CNTRL: variants seen among roughly 807,000 people sequenced by gnomAD.
CNTRL encodes centriolin.
In CNTRL, 233 loss-of-function variants were observed where a neutral mutation model predicts 303.7. That is an observed-to-expected ratio of 0.77 (90% CI 0.69 to 0.86). The LOEUF (loss-of-function observed/expected upper bound fraction) is 0.86. Among genes scored for constraint, CNTRL ranks in the 40% least tolerant of loss-of-function variants. CNTRL has a pLI of 0.00. For synonymous variants in CNTRL, 900 were observed against 922.2 expected (o/e 0.98, Z 0.44); for missense variants, 2,524 against 2,650.6 (o/e 0.95, Z 1.05).
chr9:121,096,687 A>T (rs925763087), intron 6 of CNTRL, 124 bp downstream of exon 6: 3 of 656,114 alleles, frequency 4.6e-6, no homozygotes, highest in Non-Finnish European at 6.8e-6. Flanking sequence ...TAAACACTAG[A>T]TTCAGACATA....
At chr9:121,114,972 A>G in intron 10 of CNTRL, 119 bp from the exon 11 acceptor site, 1 of 573,894 alleles carries the variant, frequency 1.7e-6, no homozygotes, top group Non-Finnish European at 3.1e-6. Context: ...TGTGAGATAT[A>G]ATGACAGTTT....
At chr9:121,097,700 C>T (rs1249459042) in intron 6 of CNTRL, among the ~76,000 whole-genome samples, 8 of 152,086 alleles carry the variant, frequency 5.3e-5, no homozygotes, top group Non-Finnish European at 1.0e-4. Context: ...CATAAATATT[C>T]CTGAAGTAGT....
At position 121,144,740 on chromosome 9, in the gene CNTRL, G is replaced by A. The variant is rs1236819744; in HGVS notation, c.3052-103G>A. 10 of 909,236 alleles carry A rather than the reference G, an allele frequency of 1.1e-5. No homozygotes were observed. The Admixed American group carries it at 1.8e-4, about 16-fold the overall frequency. The allele number at this position is 909,236 out of a possible 1,614,324, so 56.3% of individuals were successfully genotyped here. Reference sequence around the variant, plus strand: ...GGATGTCCCTTTTCATGGACAGCCTGGTAGGCAATGTGATGAAAGCAGAAG... The same window carrying A: ...GGATGTCCCTTTTCATGGACAGCCTAGTAGGCAATGTGATGAAAGCAGAAG... On this transcript the variant is annotated intron_variant, in intron 20 of 43. Transcript: ENST00000373855.
chr9:121,150,053 A>T, intron 24 of CNTRL, 117 bp from the exon 25 acceptor site: 1 of 687,664 alleles, frequency 1.5e-6, no homozygotes, highest in Non-Finnish European at 2.3e-6. Context: ...TTTTATTCTC[A>T]CATCTGCAGT....
At chr9:121,105,037 A>C (rs2049398143) in intron 7 of CNTRL, among the ~76,000 whole-genome samples, 3 of 152,128 alleles carry the variant, frequency 2.0e-5, no homozygotes, top group Non-Finnish European at 2.9e-5. Flanking sequence ...AAAAAGCAGC[A>C]ATAGGACATC....
At chr9:121,119,015 T>C (rs1360447420) in intron 12 of CNTRL, among the ~76,000 whole-genome samples, 2 of 152,032 alleles carry the variant, frequency 1.3e-5, no homozygotes, top group African/African-American at 4.8e-5. Flanking sequence ...GAAGGAAAAC[T>C]GTACATATAT....
rs568312452 is a variant in CNTRL at position 121,092,750 on chromosome 9, A to ATT, written c.349-2138_349-2137insTT. ...ATATATATAATATATATCTATATAT[A>ATT]ATATATATCTATATATATTATATAT... On this transcript the variant is annotated intron_variant, in intron 4 of 43. Coordinates refer to ENST00000373855, the MANE Select transcript of CNTRL (RefSeq NM_007018.6). Among the ~76,000 whole-genome samples, 4 of 79,698 alleles carry ATT rather than the reference A, an allele frequency of 5.0e-5. 1 individual carries two copies. Among genetic ancestry groups the ATT allele is most frequent in the African/African-American group, 1.2e-4 (2 of 16,106 alleles). The allele number at this position is 79,698 out of a possible 152,430, so 52.3% of individuals were successfully genotyped here. A position where few individuals can be genotyped will look rare whatever the true frequency, so the allele number is the denominator to read the frequency against.
intron 6 of CNTRL, among the ~76,000 whole-genome samples, chr9:121,097,499 A>AGT (rs968557874): frequency 1.3e-5 from 2 of 152,348 alleles, no homozygotes; most frequent in Non-Finnish European, 2.9e-5. Context: ...AGCCTTCACC[A>AGT]GTGGAGGCCA....
At chr9:121,166,026 C>G (rs777291184) in intron 35 of CNTRL, 81 bp from the exon 36 acceptor site, 2 of 1,061,286 alleles carry the variant, frequency 1.9e-6, no homozygotes, top group Admixed American at 4.4e-5. Flanking sequence ...AACAACTTCT[C>G]TACTTTTTGG....
At chr9:121,159,160 T>G (rs1295284830) in intron 31 of CNTRL, 141 bp downstream of exon 31, 1 of 816,114 alleles carries the variant, frequency 1.2e-6, no homozygotes, top group Non-Finnish European at 1.9e-6. Context: ...TTGGTGTTGT[T>G]ACATATCCAT....
At chr9:121,088,845 A>C (rs1382229091) in intron 3 of CNTRL, among the ~76,000 whole-genome samples, 1 of 152,250 alleles carries the variant, frequency 6.6e-6, no homozygotes, top group African/African-American at 2.4e-5. Context: ...GGGAGGGAAG[A>C]TCTGTTCACT....
At chr9:121,152,254 C>G (rs1292447959) in intron 25 of CNTRL, 1 of 475,536 alleles carries the variant, frequency 2.1e-6, no homozygotes, top group Admixed American at 3.4e-5. Flanking sequence ...CCACAAGAGG[C>G]TTGGCAAATG....
At position 121,146,226 on chromosome 9, in the gene CNTRL, G is replaced by A; in HGVS notation, c.3429G>A (p.Trp1143Ter). ...MADPFKRRGY[W>*]YFMPPPPSSK... is the part of the protein sequence containing the mutation. Reference sequence around the variant, plus strand: ...ATCCTTTCAAAAGACGAGGCTATTGGTACTTTATGCCACCACCACCATCAT... The same window carrying A: ...ATCCTTTCAAAAGACGAGGCTATTGATACTTTATGCCACCACCACCATCAT... Residue 1143 changes from tryptophan to a stop codon, truncating the protein, a stop_gained, in exon 23 of 44, where the codon TGG becomes TGA. Transcript: ENST00000373855. LOFTEE classifies it high-confidence loss of function. 1 of 1,613,136 alleles carries A rather than the reference G, an allele frequency of 6.2e-7. No individual in the cohort carries two copies. The highest frequency in any genetic ancestry group is 8.5e-7 in the Non-Finnish European group (1 of 1,179,752).
At chr9:121,112,257 A>G (rs1204328108) in intron 8 of CNTRL, among the ~76,000 whole-genome samples, 28 of 152,312 alleles carry the variant, frequency 1.8e-4, no homozygotes, top group South Asian at 4.1e-4. Flanking sequence ...GGTCTTTTAC[A>G]TGATCTCTGA....
At chr9:121,165,881 C>T (rs576341846) in intron 35 of CNTRL, among the ~76,000 whole-genome samples, 267 of 152,194 alleles carry the variant, frequency 1.8e-3, no homozygotes, top group African/African-American at 6.0e-3. Context: ...GTAATTTTTT[C>T]GTTGTGAGAT....
rs558978409 is a variant in CNTRL at position 121,159,334 on chromosome 9, T to TC, written c.4929+317dup. Among the ~76,000 whole-genome samples the TC allele has an allele frequency of 7.5e-3, 1,139 of 152,210 alleles. 5 individuals carry two copies. Among genetic ancestry groups the TC allele is most frequent in the Middle Eastern group, 0.014 (4 of 294 alleles). The stretch of plus-strand genomic sequence containing the variant: ...TCTCATGGCGCAGCTTCATGCCACC[T>TC]CCTCTTAGAAAACTTCTGGCCGGGT... On this transcript the variant is annotated intron_variant, in intron 31 of 43. Transcript: ENST00000373855.
At chr9:121,144,105 G>C in intron 20 of CNTRL, 23 bp downstream of exon 20, 1 of 1,553,424 alleles carries the variant, frequency 6.4e-7, no homozygotes, top group Non-Finnish European at 8.7e-7. Context: ...GTACAGAACA[G>C]GTTTCCATCA....
chr9:121,167,588 CAGAA>C lies in CNTRL; in HGVS notation c.5760_5763del (p.Glu1921ArgfsTer22), dbSNP rs767775853. The C allele has an allele frequency of 6.2e-7, 1 of 1,614,022 alleles. No individual in the cohort carries two copies. Among genetic ancestry groups the C allele is most frequent in the Non-Finnish European group, 8.5e-7 (1 of 1,179,980 alleles). On this transcript the variant is annotated frameshift_variant, in exon 37 of 44. Transcript: ENST00000373855. LOFTEE classifies it high-confidence loss of function. Reference sequence around the variant, plus strand: ...ATGGGCAAATAGGTTTGAAGACTGTCAGAAAGAAGAGGAGACAAAACAACAACAA... The same window carrying C: ...ATGGGCAAATAGGTTTGAAGACTGTCAGAAGAGGAGACAAAACAACAACAA...
chr9:121,177,157 C>G lies in CNTRL; in HGVS notation c.6955-6C>G. 1.1e-5 allele frequency: 17 copies of G among 1,609,836 alleles called. No homozygotes were observed. The highest frequency in any genetic ancestry group is 1.3e-5 in the Non-Finnish European group (15 of 1,176,952). Reference sequence around the variant, plus strand: ...TTGATTTATCCTTCCTTTTGTCTTACTGTAGGAAAAGAATGCCTCAGCCAG... The same window carrying G: ...TTGATTTATCCTTCCTTTTGTCTTAGTGTAGGAAAAGAATGCCTCAGCCAG... On this transcript the variant is annotated splice_polypyrimidine_tract_variant and splice_region_variant and intron_variant, in intron 43 of 43. Transcript: ENST00000373855.
Sources: gnomAD v4.1 joint callset for allele counts (sites outside exome capture counted in the v4.1 genomes callset) on GRCh38, gnomAD v4.1.1 for gene constraint, MANE v1.5 for transcripts, NCBI Gene and HGNC (gene_info 2026-07-23, HGNC 2026-07-21) for gene names.